The following CHRND variants were observed in gnomAD, a reference collection of about 807,000 sequenced individuals.
CHRND encodes cholinergic receptor nicotinic delta subunit.
Under a neutral mutation model 57.8 loss-of-function variants are expected in CHRND, and 40 were observed. That is an observed-to-expected ratio of 0.69 (90% confidence interval 0.54 to 0.90). The LOEUF is 0.90. Ranked by LOEUF, CHRND falls within the 40% of genes least tolerant of loss-of-function variation. CHRND has a pLI of 0.00. For synonymous variants in CHRND, 237 were observed against 270.6 expected, an observed-to-expected ratio of 0.88 and a Z score of 1.22; for missense variants, 634 against 673.9, an observed-to-expected ratio of 0.94 and a Z score of 0.66.
rs777931139 is a variant in CHRND, at chr2:232,531,554, C to T, written c.945C>T (p.Phe315=). Residue 315 remains phenylalanine, a synonymous_variant, in exon 9 of 12, where the codon TTC becomes TTT. Coordinates refer to ENST00000258385, the MANE Select transcript of CHRND (RefSeq NM_000751.3). ...TGTTTGCCCACAGGTTCCTGCTCTT[C>T]GGCATGGTGCTGGTCACCATGGTTG... The part of the protein sequence containing the change: ...AIPLIGKFLL[F]GMVLVTMVVV... 1.4e-5 allele frequency: 23 copies of T among 1,614,004 alleles called. No homozygotes were observed. The highest frequency in any genetic ancestry group is 3.3e-5 in the Admixed American group (2 of 60,014).
chr2:232,535,493 C>T lies in CHRND; in HGVS notation c.*181C>T, dbSNP rs762712354. On this transcript the variant is annotated 3_prime_UTR_variant, in exon 12 of 12. Coordinates refer to ENST00000258385, the MANE Select transcript of CHRND (RefSeq NM_000751.3). Reference sequence around the variant, plus strand: ...CCCTGAAATCAAGACAGGGGCCACCCGAGATGGTCTGAGGGTGGACATCGG... The same window carrying T: ...CCCTGAAATCAAGACAGGGGCCACCTGAGATGGTCTGAGGGTGGACATCGG... 6 of 805,118 alleles carry T rather than the reference C, an allele frequency of 7.5e-6. No individual in the cohort carries two copies. The highest frequency in any genetic ancestry group is 2.7e-5 in the East Asian group (1 of 37,412). The allele number at this position is 805,118 out of a possible 1,614,324, so 49.9% of individuals were successfully genotyped here.
At chr2:232,532,082 C>G (rs1691724728) in intron 9 of CHRND, among the ~76,000 whole-genome samples, 1 of 150,832 alleles carries the variant, frequency 6.6e-6, no homozygotes, top group African/African-American at 2.4e-5. Flanking sequence ...TCCCTGGAAC[C>G]CAGGAGTTGG....
In CHRND at chr2:232,526,623, G is replaced by A. The variant is rs761265268; in HGVS notation, c.147G>A (p.Glu49=). 1.2e-6 allele frequency: 2 copies of A among 1,613,784 alleles called. No individual in the cohort carries two copies. Among genetic ancestry groups the A allele is most frequent in the South Asian group, 1.1e-5 (1 of 91,080 alleles). ...AGCTCCGGCCCGTGGCACACAAAGAGGAGAGTGTGGACGTTGCCCTGGCCC... is the reference window on the plus strand; with the variant it reads ...AGCTCCGGCCCGTGGCACACAAAGAAGAGAGTGTGGACGTTGCCCTGGCCC... ...NKELRPVAHK[E]ESVDVALALT... Residue 49 remains glutamate, a synonymous_variant, in exon 2 of 12, where the codon GAG becomes GAA. Coordinates refer to ENST00000258385, the MANE Select transcript of CHRND (RefSeq NM_000751.3).
Position 232,529,780 on chromosome 2 carries a change from C to T in CHRND, c.620-159C>T, listed in dbSNP as rs532553621. Among the ~76,000 whole-genome samples the T allele has an allele frequency of 5.9e-5, 9 of 152,276 alleles. No individual in the cohort carries two copies. The South Asian group carries it at 1.9e-3, about 32-fold the overall frequency. On this transcript the variant is annotated intron_variant, in intron 6 of 11. Coordinates refer to ENST00000258385, the MANE Select transcript of CHRND (RefSeq NM_000751.3). The stretch of plus-strand genomic sequence containing the variant: ...CCCCTCACAGATGGAAACTTCCATC[C>T]CGACCCCCCAGGGAACGACACCCAC...
At chr2:232,532,709 A>G (rs913831696) in intron 9 of CHRND, among the ~76,000 whole-genome samples, 1 of 152,164 alleles carries the variant, frequency 6.6e-6, no homozygotes, top group Non-Finnish European at 1.5e-5. Context: ...AACAGGCCAA[A>G]TCAGTGTTTG....
chr2:232,528,742 C>A, intron 5 of CHRND, 86 bp downstream of exon 5: 4 of 1,589,480 alleles, frequency 2.5e-6, no homozygotes, highest in African/African-American at 1.3e-5. Flanking sequence ...CAGACAGAGG[C>A]CCCTGCCCTG....
Position 232,526,656 on chromosome 2 carries a change from C to T in CHRND, c.180C>T (p.Leu60=), listed in dbSNP as rs1461286258. Residue 60 remains leucine (L), a synonymous_variant, in exon 2 of 12, where the codon CTC becomes CTT. Coordinates refer to ENST00000258385, the MANE Select transcript of CHRND (RefSeq NM_000751.3). The stretch of plus-strand genomic sequence containing the variant: ...TGGACGTTGCCCTGGCCCTCACACT[C>T]TCCAACCTCATCTCCCTGGTGAGAG... ...ESVDVALALT[L]SNLISLKEVE... 6.2e-7 allele frequency: 1 copy of T among 1,613,494 alleles called. No individual in the cohort carries two copies. Among genetic ancestry groups the T allele is most frequent in the South Asian group, 1.1e-5 (1 of 91,088 alleles).
chr2:232,534,581 A>G (rs1278474560), intron 11 of CHRND, among the ~76,000 whole-genome samples: 1 of 151,824 alleles, frequency 6.6e-6, no homozygotes, highest in Non-Finnish European at 1.5e-5. Flanking sequence ...TCCAGGCCAC[A>G]CTCTGAGCAT....
At chr2:232,531,747 G>A (rs1691706764) in intron 9 of CHRND, 91 bp downstream of exon 9, 12 of 1,103,134 alleles carry the variant, frequency 1.1e-5, no homozygotes, top group Non-Finnish European at 1.6e-5. Flanking sequence ...CCAGGAGTTG[G>A]AGACCAGCCT....
In CHRND at chr2:232,528,527, A is replaced by G. The variant is rs1231032358; in HGVS notation, c.380A>G (p.Tyr127Cys). ...AATGACGGCTCCTTCCAGATCTCCT[A>G]CTCCTGCAACGTGCTTGTCTACCAC... is the stretch of plus-strand genomic sequence containing the variant. Reference protein sequence around the residue: ...NNNDGSFQISYSCNVLVYHYG... With the variant: ...NNNDGSFQISCSCNVLVYHYG... The change falls in exon 5 of 12, where the codon TAC becomes TGC. Residue 127 changes from tyrosine (Y) to cysteine (C), a missense_variant. By Grantham distance (194) the Tyr-to-Cys change is radical (BLOSUM62 -2). Coordinates refer to ENST00000258385, the MANE Select transcript of CHRND (RefSeq NM_000751.3). The G allele has an allele frequency of 4.3e-6, 7 of 1,612,880 alleles. No individual in the cohort carries two copies. Among genetic ancestry groups the G allele is most frequent in the Admixed American group, 3.3e-5 (2 of 59,894 alleles).
At chr2:232,527,800 A>G (rs1287240086) in intron 3 of CHRND, among the ~76,000 whole-genome samples, 1 of 152,172 alleles carries the variant, frequency 6.6e-6, no homozygotes, top group Non-Finnish European at 1.5e-5. Flanking sequence ...AATGCAGGGC[A>G]CCAGATTGCT....
intron 9 of CHRND, among the ~76,000 whole-genome samples, 182 bp from the exon 10 acceptor site, chr2:232,533,749 G>T (rs572283219): frequency 6.6e-6 from 1 of 151,434 alleles, no homozygotes; most frequent in Admixed American, 6.6e-5. Context: ...ATGGTGGCGC[G>T]TGCCTGTAGT....
intron 5 of CHRND, 37 bp downstream of exon 5, chr2:232,528,693 C>T: frequency 6.2e-7 from 1 of 1,613,230 alleles, no homozygotes; most frequent in Non-Finnish European, 8.5e-7. Context: ...CACCCCAAAG[C>T]ACCCTGCCAG....
At chr2:232,535,053 G>GA in intron 11 of CHRND, 77 bp from the exon 12 acceptor site, 1 of 1,569,484 alleles carries the variant, frequency 6.4e-7, no homozygotes, top group Non-Finnish European at 8.7e-7. Flanking sequence ...CTGCCTCCAT[G>GA]GCTGGGCCCC....
In CHRND at chr2:232,528,545, T is replaced by A. The variant is rs1261639608; in HGVS notation, c.398T>A (p.Val133Asp). Reference protein sequence around the residue: ...FQISYSCNVLVYHYGFVYWLP... With the variant: ...FQISYSCNVLDYHYGFVYWLP... Reference sequence around the variant, plus strand: ...ATCTCCTACTCCTGCAACGTGCTTGTCTACCACTACGGCTTCGTGTACTGG... The same window carrying A: ...ATCTCCTACTCCTGCAACGTGCTTGACTACCACTACGGCTTCGTGTACTGG... Residue 133 changes from valine (V) to aspartate (D), a missense_variant, in exon 5 of 12, where the codon GTC becomes GAC. By Grantham distance (152) the Val-to-Asp change is radical (BLOSUM62 -3). Coordinates refer to ENST00000258385, the MANE Select transcript of CHRND (RefSeq NM_000751.3). 6.2e-7 allele frequency: 1 copy of A among 1,614,138 alleles called. No homozygotes were observed. The highest frequency in any genetic ancestry group is 1.7e-5 in the Admixed American group (1 of 60,022).
chr2:232,536,298 G>A lies in CHRND; in HGVS notation c.*986G>A, dbSNP rs922091277. ...GGGTCTGGGTAACCAATAGAATGAG[G>A]CAGAAGTGATGGTACCTCACTTCCC... On this transcript the variant is annotated 3_prime_UTR_variant, in exon 12 of 12. Transcript: ENST00000258385. The A allele has an allele frequency of 4.8e-5, 22 of 453,964 alleles. No homozygotes were observed. Among genetic ancestry groups the A allele is most frequent in the Non-Finnish European group, 6.2e-5 (14 of 226,810 alleles). The allele number at this position is 453,964 out of a possible 1,614,324, so 28.1% of individuals were successfully genotyped here.
intron 2 of CHRND, 46 bp downstream of exon 2, chr2:232,526,720 C>T (rs1691485377): frequency 3.1e-6 from 5 of 1,600,522 alleles, no homozygotes; most frequent in Non-Finnish European, 4.3e-6. Flanking sequence ...GCAGGGATGG[C>T]TTTCCAGTAC....
rs1272834897 is a variant in CHRND, at chr2:232,528,956, C to A, written c.604C>A (p.Pro202Thr). 1.9e-6 allele frequency: 3 copies of A among 1,613,926 alleles called. No homozygotes were observed. The highest frequency in any genetic ancestry group is 1.1e-5 in the South Asian group (1 of 91,066). ...CCCCGTGGAGTGGATCATCATTGAT[C>A]CTGAAGGCTTCACAGGTGCTGGGAA... The part of the protein sequence containing the change: ...TYPVEWIIID[P>T]EGFTENGEWE... Residue 202 changes from proline (P) to threonine (T), a missense_variant, in exon 6 of 12, where the codon CCT becomes ACT. Coordinates refer to ENST00000258385, the MANE Select transcript of CHRND (RefSeq NM_000751.3).
chr2:232,529,805 C>A, intron 6 of CHRND, 134 bp from the exon 7 acceptor site: 1 of 856,358 alleles, frequency 1.2e-6, no homozygotes, highest in Middle Eastern at 3.6e-4. Context: ...ACGACACCCA[C>A]CAACGGGACC....
Sources: gnomAD v4.1 joint callset for allele counts (sites outside exome capture counted in the v4.1 genomes callset) on GRCh38, gnomAD v4.1.1 for gene constraint, MANE v1.5 for transcripts, NCBI Gene and HGNC (gene_info 2026-07-23, HGNC 2026-07-21) for gene names.